Variants in NVL observed in about 807,000 individuals in gnomAD.
NVL encodes the protein nuclear VCP like, also known as nuclear valosin-containing protein-like.
A neutral mutation model predicts 110.2 loss-of-function variants in NVL; 84 were observed. The observed-to-expected ratio is 0.76, with a 90% CI of 0.64 to 0.91. NVL has a LOEUF of 0.91. NVL is among the 40% of genes least tolerant of loss of function. The pLI is 0.00. For missense variants in NVL, 882 were observed against 1,035.9 expected, an observed-to-expected ratio of 0.85 and a Z score of 2.04; for synonymous variants, 354 against 361.1, an observed-to-expected ratio of 0.98 and a Z score of 0.22.
At chr1:224,234,771 GGTGTA>G (rs1242081982) in intron 20 of NVL, among the ~76,000 whole-genome samples, 5 of 152,028 alleles carry the variant, frequency 3.3e-5, no homozygotes, top group African/African-American at 1.2e-4. Flanking sequence ...AGACTGTAGT[GGTGTA>G]GTGTCTCTCA....
chr1:224,228,413 C>A (rs1659435695), intron 22 of NVL, among the ~76,000 whole-genome samples: 1 of 151,818 alleles, frequency 6.6e-6, no homozygotes. Flanking sequence ...CAAGGGATTC[C>A]CCTGCCTCGG....
Position 224,236,506 on chromosome 1 carries a change from G to T in NVL, c.2366C>A (p.Thr789Lys). ...IAGDLRCDCY[T>K]GADLSALVRE... is the part of the protein sequence containing the mutation. ...ATTGACTTAAGATTTAAACACTTAC[G>T]TATAGCAATCACAGCGAAGGTCACC... The change falls in exon 20 of 23, where the codon ACG (threonine) becomes AAG (lysine). Residue 789 changes from threonine to lysine, a missense_variant and splice_region_variant. This residue lies in a region of NVL where 126 missense variants were observed against 140.7 expected (regional missense o/e 0.90). Transcript: ENST00000281701. The T allele has an allele frequency of 6.2e-7, 1 of 1,610,876 alleles. No individual in the cohort carries two copies. Among genetic ancestry groups the T allele is most frequent in the Non-Finnish European group, 8.5e-7 (1 of 1,177,104 alleles).
intron 18 of NVL, among the ~76,000 whole-genome samples, chr1:224,261,313 AT>A (rs1265842339): frequency 4.0e-5 from 6 of 151,820 alleles, no homozygotes; most frequent in East Asian, 1.9e-4. Context: ...GCCCTTATTT[AT>A]TTTTTCAACT....
At chr1:224,320,834 C>T (rs1168027061) in intron 2 of NVL, among the ~76,000 whole-genome samples, 1 of 151,920 alleles carries the variant, frequency 6.6e-6, no homozygotes, top group Non-Finnish European at 1.5e-5. Flanking sequence ...ATTTTTTTTG[C>T]AGAGATGGGG....
intron 18 of NVL, among the ~76,000 whole-genome samples, chr1:224,261,890 G>C (rs751504434): frequency 5.7e-4 from 87 of 152,232 alleles, no homozygotes; most frequent in South Asian, 8.3e-4. Context: ...GAGCCTAGGA[G>C]GTTGAGGCTG....
chr1:224,255,411 C>T (rs1663101372), intron 18 of NVL, among the ~76,000 whole-genome samples: 1 of 151,490 alleles, frequency 6.6e-6, no homozygotes, highest in South Asian at 2.1e-4. Context: ...CCAGGTTGGT[C>T]TCGATCTCCT....
At chr1:224,272,174 A>G (rs1386697459) in intron 17 of NVL, among the ~76,000 whole-genome samples, 2 of 125,116 alleles carry the variant, frequency 1.6e-5, no homozygotes, top group African/African-American at 6.0e-5. Context: ...TGTCTCTACT[A>G]AAAAAAAAAA....
chr1:224,303,514 T>A (rs1668618669), intron 9 of NVL, among the ~76,000 whole-genome samples: 1 of 145,184 alleles, frequency 6.9e-6, no homozygotes. Context: ...AAAAAAAAAA[T>A]CCCTCAAGTT....
At chr1:224,253,770 C>G (rs1297677687) in intron 18 of NVL, among the ~76,000 whole-genome samples, 3 of 151,334 alleles carry the variant, frequency 2.0e-5, no homozygotes, top group African/African-American at 4.8e-5. Context: ...AAGAAATTGC[C>G]AAACTGTTTT....
chr1:224,304,567 A>AT (rs1350593534), intron 8 of NVL, among the ~76,000 whole-genome samples, 169 bp downstream of exon 8: 98 of 152,286 alleles, frequency 6.4e-4, no homozygotes, highest in African/African-American at 2.3e-3. Context: ...AATAGTATGC[A>AT]TCTTTTCTCC....
At chr1:224,248,040 G>C (rs576500513) in intron 19 of NVL, among the ~76,000 whole-genome samples, 1 of 152,244 alleles carries the variant, frequency 6.6e-6, no homozygotes, top group Admixed American at 6.5e-5. Context: ...CTATAGCCCA[G>C]CCAGAGGACT....
At chr1:224,246,636 C>G (rs1249510848) in intron 19 of NVL, among the ~76,000 whole-genome samples, 3 of 152,192 alleles carry the variant, frequency 2.0e-5, no homozygotes, top group Non-Finnish European at 4.4e-5. Flanking sequence ...ACAGGAAATT[C>G]ATAGAAACAA....
chr1:224,261,460 A>G (rs1433851777), intron 18 of NVL, among the ~76,000 whole-genome samples: 1 of 152,220 alleles, frequency 6.6e-6, no homozygotes, highest in African/African-American at 2.4e-5. Flanking sequence ...AAACAGCTAG[A>G]TAATAGATTA....
chr1:224,261,946 G>T (rs906460750), intron 18 of NVL, among the ~76,000 whole-genome samples: 3 of 152,152 alleles, frequency 2.0e-5, no homozygotes, highest in Non-Finnish European at 2.9e-5. Flanking sequence ...AGGCTATAGA[G>T]TGAGACCCTG....
rs539020233 is a variant in NVL at position 224,227,533 on chromosome 1, C to G, written c.*93G>C. 3 of 1,104,792 alleles carry G rather than the reference C, an allele frequency of 2.7e-6. No homozygotes were observed. Among genetic ancestry groups the G allele is most frequent in the East Asian group, 5.2e-5 (2 of 38,820 alleles). The allele number at this position is 1,104,792 out of a possible 1,614,324, so 68.4% of individuals were successfully genotyped here. ...AATAAAATGTTTACATGAGGCCGCG[C>G]CTGTGTCCAGCTGAAAGTGGGTCCT... On this transcript the variant is annotated 3_prime_UTR_variant, in exon 23 of 23. Transcript: ENST00000281701.
At chr1:224,228,423 G>A (rs1659438352) in intron 22 of NVL, among the ~76,000 whole-genome samples, 1 of 151,842 alleles carries the variant, frequency 6.6e-6, no homozygotes. Context: ...CCCTGCCTCG[G>A]CCTCCTGAGT....
chr1:224,236,704 A>C, intron 19 of NVL, 122 bp from the exon 20 acceptor site: 1 of 693,736 alleles, frequency 1.4e-6, no homozygotes, highest in East Asian at 2.9e-5. Flanking sequence ...TGAGGTCAGG[A>C]GTTCGAGACC....
chr1:224,297,240 T>C (rs886566545), intron 10 of NVL, among the ~76,000 whole-genome samples: 27 of 152,232 alleles, frequency 1.8e-4, no homozygotes, highest in Admixed American at 7.9e-4. Flanking sequence ...TCCAGAACTT[T>C]CCCAGCATCC....
intron 7 of NVL, 70 bp from the exon 8 acceptor site, chr1:224,304,882 C>A: frequency 6.7e-7 from 1 of 1,497,000 alleles, no homozygotes; most frequent in Non-Finnish European, 9.3e-7. Context: ...AATGAATAGT[C>A]TTTAAGTAAA....
Sources: gnomAD v4.1 joint callset for allele counts (sites outside exome capture counted in the v4.1 genomes callset) on GRCh38, gnomAD v4.1.1 for gene constraint, gnomAD v4.1.1 regional missense constraint, MANE v1.5 for transcripts, NCBI Gene and HGNC (gene_info 2026-07-23, HGNC 2026-07-21) for gene names.